Variants in ANXA4 observed in about 807,000 individuals in gnomAD.
ANXA4 encodes annexin A4.
A neutral mutation model predicts 49.8 loss-of-function variants in ANXA4; 39 were observed. The observed-to-expected ratio is 0.78, with a 90% confidence interval of 0.61 to 1.02. ANXA4 has a LOEUF of 1.02. Ranked by LOEUF, ANXA4 falls within the 50% of genes least tolerant of loss-of-function variation. The probability of loss-of-function intolerance (pLI) is 0.00; values close to 1 mark genes in which losing one functional copy is unlikely to be tolerated. For missense variants in ANXA4, 360 were observed against 410.1 expected (o/e 0.88, Z 1.05); for synonymous variants, 134 against 152.5 (o/e 0.88, Z 0.89).
chr2:69,818,775 ATTATTT>A, intron 10 of ANXA4, 81 bp downstream of exon 10: 1 of 875,392 alleles, frequency 1.1e-6, no homozygotes, highest in Non-Finnish European at 1.8e-6. Flanking sequence ...GGGATATAGA[ATTATTT>A]TTAGAGATAA....
chr2:69,769,084 T>C (rs527566247), intron 1 of ANXA4, among the ~76,000 whole-genome samples: 1 of 152,262 alleles, frequency 6.6e-6, no homozygotes, highest in Non-Finnish European at 1.5e-5. Flanking sequence ...TACTTCATTA[T>C]ATCTGAAGCA....
chr2:69,687,630 G>T (rs1677834486), intron 2 of ANXA4, among the ~76,000 whole-genome samples: 1 of 152,206 alleles, frequency 6.6e-6, no homozygotes, highest in Non-Finnish European at 1.5e-5. Context: ...GACCTTTAGG[G>T]ATGGTGTAGA....
At chr2:69,719,136 C>G (rs1336718453) in intron 2 of ANXA4, among the ~76,000 whole-genome samples, 1 of 151,860 alleles carries the variant, frequency 6.6e-6, no homozygotes, top group Non-Finnish European at 1.5e-5. Flanking sequence ...GCCACCACGC[C>G]CAGCTAATTT....
At chr2:69,661,775 C>CT (rs1458803034) in intron 2 of ANXA4, among the ~76,000 whole-genome samples, 1 of 152,032 alleles carries the variant, frequency 6.6e-6, no homozygotes, top group South Asian at 2.1e-4. Context: ...CTGGATACGT[C>CT]TGAAAGTGGG....
chr2:69,799,400 C>G (rs1423097562), intron 3 of ANXA4, among the ~76,000 whole-genome samples: 1 of 152,138 alleles, frequency 6.6e-6, no homozygotes, highest in East Asian at 1.9e-4. Flanking sequence ...GACTTCCACC[C>G]CTTCTTCTGT....
rs574417938 is a variant in ANXA4, at chr2:69,770,728, C to A, written c.-46-10792C>A. Reference sequence around the variant, plus strand: ...GGCTCATTAAACCTGTACGCACACACACATGCAAACACACACGTGCAGACA... The same window carrying A: ...GGCTCATTAAACCTGTACGCACACAAACATGCAAACACACACGTGCAGACA... On this transcript the variant is annotated intron_variant, in intron 1 of 12. Transcript: ENST00000394295. 3.9e-5 allele frequency among the ~76,000 whole-genome samples: 6 copies of A among 152,250 alleles called. No individual in the cohort carries two copies. In the South Asian group the frequency reaches 1.2e-3, roughly 32 times the overall value.
chr2:69,769,107 T>G (rs1671612641), intron 1 of ANXA4, among the ~76,000 whole-genome samples: 1 of 152,188 alleles, frequency 6.6e-6, no homozygotes, highest in African/African-American at 2.4e-5. Context: ...TTGATGATGG[T>G]GCCCAGAAAA....
chr2:69,820,458 T>A (rs1220516458), intron 11 of ANXA4, among the ~76,000 whole-genome samples: 1 of 151,942 alleles, frequency 6.6e-6, no homozygotes, highest in African/African-American at 2.4e-5. Flanking sequence ...ACAGCACAGG[T>A]TATGGCTCTA....
intron 1 of ANXA4, among the ~76,000 whole-genome samples, chr2:69,767,562 A>G (rs1175296665): frequency 2.6e-5 from 4 of 152,224 alleles, no homozygotes; most frequent in Non-Finnish European, 5.9e-5. Context: ...GACATATTAC[A>G]GAGCCATGCC....
intron 2 of ANXA4, among the ~76,000 whole-genome samples, chr2:69,714,131 T>C (rs543122076): frequency 7.2e-5 from 11 of 152,328 alleles, no homozygotes; most frequent in South Asian, 4.1e-4. Context: ...AGCACATTCC[T>C]GACCTCCCTA....
At chr2:69,722,504 A>G (rs1669841047) in intron 3 of ANXA4, among the ~76,000 whole-genome samples, 1 of 152,210 alleles carries the variant, frequency 6.6e-6, no homozygotes, top group African/African-American at 2.4e-5. Context: ...ATTAAGTGAA[A>G]TAAGGCAGAC....
At chr2:69,814,394 G>C (rs1361877545) in intron 8 of ANXA4, among the ~76,000 whole-genome samples, 1 of 134,808 alleles carries the variant, frequency 7.4e-6, no homozygotes, top group Non-Finnish European at 1.5e-5. Context: ...CTCCCAGGCT[G>C]TTGTGCAGTG....
At chr2:69,814,342 C>CTTTTTTTTTTTTTTTT (rs781253870) in intron 8 of ANXA4, among the ~76,000 whole-genome samples, 5 of 97,300 alleles carry the variant, frequency 5.1e-5, no homozygotes, top group African/African-American at 1.7e-4. Flanking sequence ...GTATTTTATT[C>CTTTTTTTTTTTTTTTT]TTTTTTTTTT....
At position 69,790,662 on chromosome 2, in the gene ANXA4, C is replaced by T. The variant is rs79493042; in HGVS notation, c.97+2521C>T. ...TTACTTTCCCAAAAAAGGGAGAAAC[C>T]CTGGGGTTCTAGTTTACCTGGCAGG... On this transcript the variant is annotated intron_variant, in intron 3 of 12. Transcript: ENST00000394295. 7.2e-5 allele frequency among the ~76,000 whole-genome samples: 11 copies of T among 152,180 alleles called. No individual in the cohort carries two copies. In the East Asian group the frequency reaches 1.9e-3, roughly 27 times the overall value.
rs62133998 is a variant in ANXA4 at position 69,795,475 on chromosome 2, C to T, written c.97+7334C>T. Among the ~76,000 whole-genome samples the T allele has an allele frequency of 4.8e-3, 726 of 152,202 alleles. 3 individuals are homozygous for T. The highest frequency in any genetic ancestry group is 8.8e-3 in the Non-Finnish European group (596 of 68,006). The stretch of plus-strand genomic sequence containing the variant: ...AGATGTCCTGAACTAGTCTCCATTC[C>T]CCATTGGGTTTTTATGCTCCTAGTA... On this transcript the variant is annotated intron_variant, in intron 3 of 12. Coordinates refer to ENST00000394295, the MANE Select transcript of ANXA4 (RefSeq NM_001153.5).
intron 1 of ANXA4, among the ~76,000 whole-genome samples, chr2:69,757,365 G>T (rs1409421130): frequency 2.1e-5 from 3 of 142,414 alleles, no homozygotes; most frequent in Non-Finnish European, 4.6e-5. Context: ...CTGCCTCCCG[G>T]GTTGATGCCA....
At chr2:69,796,253 G>T (rs1167533365) in intron 3 of ANXA4, among the ~76,000 whole-genome samples, 1 of 152,242 alleles carries the variant, frequency 6.6e-6, no homozygotes, top group African/African-American at 2.4e-5. Context: ...TGCCACACCA[G>T]TAGCAATTAG....
chr2:69,658,589 A>G (rs998810934), intron 2 of ANXA4, among the ~76,000 whole-genome samples: 2 of 152,188 alleles, frequency 1.3e-5, no homozygotes, highest in Non-Finnish European at 2.9e-5. Flanking sequence ...GGGAGAGTTC[A>G]GAAAATAGAA....
intron 6 of ANXA4, chr2:69,808,887 C>A (rs905112222): frequency 2.6e-5 from 4 of 152,108 alleles, no homozygotes; most frequent in Admixed American, 6.5e-5. Context: ...GTCTCAAACT[C>A]CTGGGCCCAA....
Sources: gnomAD v4.1 joint callset for allele counts (sites outside exome capture counted in the v4.1 genomes callset) on GRCh38, gnomAD v4.1.1 for gene constraint, MANE v1.5 for transcripts, NCBI Gene and HGNC (gene_info 2026-07-23, HGNC 2026-07-21) for gene names.